CEMIP: variants seen among roughly 807,000 people sequenced by gnomAD.
CEMIP encodes cell migration-inducing and hyaluronan-binding protein.
CEMIP carries 105 observed loss-of-function variants against 156.9 expected under a neutral mutation model. The ratio of observed to expected loss-of-function variants is 0.67; its 90% confidence interval spans 0.57 to 0.79. The LOEUF is 0.79. CEMIP is among the 30% of genes least tolerant of loss of function. The pLI, the probability that CEMIP is intolerant of heterozygous loss-of-function variation, is 0.00. For synonymous variants in CEMIP, 676 were observed against 668.4 expected (o/e 1.01, Z -0.17); for missense variants, 1,457 against 1,769.4 (o/e 0.82, Z 3.17).
chr15:80,799,052 C>A (rs1896304539), intron 1 of CEMIP, among the ~76,000 whole-genome samples: 1 of 152,196 alleles, frequency 6.6e-6, no homozygotes, highest in South Asian at 2.1e-4. Flanking sequence ...CTTATTTGAT[C>A]CAGTTACCAG....
At chr15:80,810,592 T>C (rs986864328) in intron 1 of CEMIP, among the ~76,000 whole-genome samples, 11 of 152,194 alleles carry the variant, frequency 7.2e-5, no homozygotes, top group Admixed American at 2.0e-4. Context: ...CCTGACCTTG[T>C]GATCCGCCCT....
chr15:80,841,424 T>C (rs1897413852), intron 1 of CEMIP, among the ~76,000 whole-genome samples: 1 of 152,130 alleles, frequency 6.6e-6, no homozygotes, highest in Admixed American at 6.5e-5. Flanking sequence ...GGGCATGGGA[T>C]CATCCTTTCC....
chr15:80,873,531 A>G lies in CEMIP; in HGVS notation c.-175-7A>G, dbSNP rs1316707359. The G allele has an allele frequency of 2.9e-6, 1 of 343,718 alleles. No homozygotes were observed. Among genetic ancestry groups the G allele is most frequent in the Non-Finnish European group, 5.6e-6 (1 of 177,724 alleles). 21.3% of individuals were successfully genotyped at this position (343,718 alleles called of 1,614,324 possible). ...TATTTTTGTTCTGCTCTGTTTCTTA[A>G]CTTAAGAGAAAAGCTTCATTCTGGA... On this transcript the variant is annotated splice_region_variant and splice_polypyrimidine_tract_variant and intron_variant, in intron 1 of 29. Transcript: ENST00000394685.
At chr15:80,844,148 G>A (rs548426256) in intron 1 of CEMIP, among the ~76,000 whole-genome samples, 39 of 152,310 alleles carry the variant, frequency 2.6e-4, no homozygotes, top group African/African-American at 7.5e-4. Context: ...ACACAGCCCC[G>A]GGCCAACCTC....
At position 80,814,017 on chromosome 15, in the gene CEMIP, A is replaced by G. The variant is rs79674665; in HGVS notation, c.-176+34403A>G. On this transcript the variant is annotated intron_variant, in intron 1 of 29. Coordinates refer to ENST00000394685, the MANE Select transcript of CEMIP (RefSeq NM_001293298.2). ...AGCTGAGACACCCTCTCCCATCCAT[A>G]AAAGGATAAAGTCCAAACTCTTTGG... Among the ~76,000 whole-genome samples, 46 of 151,112 alleles carry G rather than the reference A, an allele frequency of 3.0e-4. 1 individual carries two copies. The East Asian group carries it at 8.4e-3, about 28-fold the overall frequency.
At chr15:80,848,900 G>GCATACACACACACACACA (rs1897633206) in intron 1 of CEMIP, among the ~76,000 whole-genome samples, 1 of 134,576 alleles carries the variant, frequency 7.4e-6, no homozygotes, top group Non-Finnish European at 1.5e-5. Context: ...GTGTGCGCGT[G>GCATACACACACACACACA]CACACACACA....
At chr15:80,845,913 C>T (rs1284963586) in intron 1 of CEMIP, among the ~76,000 whole-genome samples, 1 of 152,196 alleles carries the variant, frequency 6.6e-6, no homozygotes, top group African/African-American at 2.4e-5. Flanking sequence ...CTCCCTCCAT[C>T]CTCTAGATCT....
Position 80,793,017 on chromosome 15 carries a change from A to G in CEMIP, c.-176+13403A>G, listed in dbSNP as rs565613487. Among the ~76,000 whole-genome samples, 5 of 152,376 alleles carry G rather than the reference A, an allele frequency of 3.3e-5. No individual in the cohort carries two copies. In the East Asian group the frequency reaches 9.6e-4, roughly 29 times the overall value. ...GACACAGAATAGAGAAAGGTAGTCC[A>G]GGTCTTCTGACTTCTGATGAAAATA... On this transcript the variant is annotated intron_variant, in intron 1 of 29. Coordinates refer to ENST00000394685, the MANE Select transcript of CEMIP (RefSeq NM_001293298.2).
At chr15:80,910,105 A>C (rs1899990741) in intron 14 of CEMIP, among the ~76,000 whole-genome samples, 2 of 152,238 alleles carry the variant, frequency 1.3e-5, no homozygotes, top group Admixed American at 6.5e-5. Context: ...ATCCAGCTAC[A>C]CGATGTGTTT....
intron 1 of CEMIP, among the ~76,000 whole-genome samples, chr15:80,814,503 G>A (rs918510017): frequency 3.9e-5 from 6 of 152,086 alleles, no homozygotes; most frequent in Admixed American, 2.0e-4. Context: ...TTCACATGTC[G>A]CTGACAATCT....
chr15:80,837,598 C>A (rs1458574505), intron 1 of CEMIP, among the ~76,000 whole-genome samples: 1 of 152,164 alleles, frequency 6.6e-6, no homozygotes, highest in Non-Finnish European at 1.5e-5. Flanking sequence ...AAGAAGTTGC[C>A]ACTGGTTGGC....
chr15:80,801,221 G>A (rs1896367439), intron 1 of CEMIP, among the ~76,000 whole-genome samples: 1 of 152,206 alleles, frequency 6.6e-6, no homozygotes, highest in Admixed American at 6.5e-5. Flanking sequence ...AAACAACTGT[G>A]TATTATTGTC....
intron 1 of CEMIP, among the ~76,000 whole-genome samples, chr15:80,808,364 C>T (rs948870410): frequency 6.6e-6 from 1 of 152,154 alleles, no homozygotes; most frequent in Admixed American, 6.5e-5. Flanking sequence ...CCCCACTGCC[C>T]CCACTTAGGC....
chr15:80,899,082 G>A (rs564321226), intron 12 of CEMIP, among the ~76,000 whole-genome samples: 15 of 151,932 alleles, frequency 9.9e-5, no homozygotes, highest in Admixed American at 2.6e-4. Flanking sequence ...GTGTAGTGGC[G>A]CGTGCCTGTA....
At chr15:80,857,526 C>T (rs924778679) in intron 1 of CEMIP, among the ~76,000 whole-genome samples, 2 of 152,130 alleles carry the variant, frequency 1.3e-5, no homozygotes, top group South Asian at 2.1e-4. Context: ...ACTCCTTTCA[C>T]GGTGGGGAAG....
rs1226242592 is a variant in CEMIP, at chr15:80,906,855, CAG to C, written c.1587+20_1587+21del. 9 of 1,600,116 alleles carry C rather than the reference CAG, an allele frequency of 5.6e-6. No homozygotes were observed. The highest frequency in any genetic ancestry group is 7.7e-6 in the Non-Finnish European group (9 of 1,172,700). On this transcript the variant is annotated intron_variant, in intron 13 of 29. Transcript: ENST00000394685. This position sits in a 1 kb window ranked among gnomAD's most constrained non-coding sequence, Gnocchi z 4.3. ...CACATCAAGGTATGTGTCTCTCTGG[CAG>C]AGTCTTTCAACCCAACCAGGAGAGT...
chr15:80,920,353 T>A lies in CEMIP; in HGVS notation c.2003+54T>A, dbSNP rs150805410. On this transcript the variant is annotated intron_variant, in intron 15 of 29. Transcript: ENST00000394685. ...TGGGGGGAAGGGGTGTACATGTGTG[T>A]GCATGTGTTCACTCAGCTCAGCCCA... 669 of 1,509,326 alleles carry A rather than the reference T, an allele frequency of 4.4e-4. 3 individuals carry two copies. In the African/African-American group the frequency reaches 8.3e-3, roughly 19 times the overall value. The allele number at this position is 1,509,326 out of a possible 1,614,324, so 93.5% of individuals were successfully genotyped here.
At chr15:80,944,446 A>G (rs915421570) in intron 28 of CEMIP, among the ~76,000 whole-genome samples, 5 of 152,138 alleles carry the variant, frequency 3.3e-5, no homozygotes, top group Non-Finnish European at 7.3e-5. Flanking sequence ...GTGAGTGTAC[A>G]GTTCACTCAG....
chr15:80,909,389 A>C (rs1296087085), intron 14 of CEMIP, 83 bp downstream of exon 14: 12 of 1,369,228 alleles, frequency 8.8e-6, no homozygotes, highest in Non-Finnish European at 1.1e-5. Context: ...GTAGACACTT[A>C]ATCCAGGGCC....
Sources: gnomAD v4.1 joint callset for allele counts (sites outside exome capture counted in the v4.1 genomes callset) on GRCh38, gnomAD v4.1.1 for gene constraint, Gnocchi (gnomAD v3.1) non-coding constraint, MANE v1.5 for transcripts, NCBI Gene and HGNC (gene_info 2026-07-23, HGNC 2026-07-21) for gene names.